DSCAM: variants seen among roughly 807,000 people sequenced by gnomAD.
The protein encoded by DSCAM is cell adhesion molecule DSCAM.
In DSCAM, 47 loss-of-function variants were observed where a neutral mutation model predicts 217.7. The ratio of observed to expected loss-of-function variants is 0.22; its 90% CI spans 0.17 to 0.28. The LOEUF (loss-of-function observed/expected upper bound fraction) is 0.28, where lower values mean the gene tolerates loss of function less well. Ranked by LOEUF, DSCAM falls within the 10% of genes least tolerant of loss-of-function variation. The pLI is 1.00. For synonymous variants in DSCAM, 1,056 were observed against 1,015.3 expected (o/e 1.04, Z -0.76); for missense variants, 2,080 against 2,618.3 (o/e 0.79, Z 4.49).
intron 1 of DSCAM, among the ~76,000 whole-genome samples, chr21:40,750,530 T>C (rs1004738549): frequency 6.6e-6 from 1 of 152,100 alleles, no homozygotes; most frequent in African/African-American, 2.4e-5. Flanking sequence ...CTCCCTTTGA[T>C]CTCACCCGTT....
intron 11 of DSCAM, among the ~76,000 whole-genome samples, chr21:40,259,775 G>A (rs1032032547): frequency 3.3e-4 from 46 of 140,896 alleles, no homozygotes; most frequent in Non-Finnish European, 1.2e-4. Context: ...CCAGGTTCAC[G>A]CTATTCTCCT....
chr21:40,150,415 T>C (rs1054819787), intron 16 of DSCAM, among the ~76,000 whole-genome samples: 1 of 152,226 alleles, frequency 6.6e-6, no homozygotes, highest in East Asian at 1.9e-4. Context: ...CTTTATTAAT[T>C]TGTAGATAGA....
At chr21:40,377,077 A>G (rs2074971087) in intron 3 of DSCAM, among the ~76,000 whole-genome samples, 1 of 152,210 alleles carries the variant, frequency 6.6e-6, no homozygotes, top group African/African-American at 2.4e-5. Flanking sequence ...AGATAGAGAC[A>G]TGGATATTAA....
intron 26 of DSCAM, among the ~76,000 whole-genome samples, chr21:40,077,346 A>G (rs1481009049): frequency 6.6e-6 from 1 of 152,174 alleles, no homozygotes; most frequent in East Asian, 1.9e-4. Flanking sequence ...GATTTGGGGT[A>G]GGTCTGCTCT....
At chr21:40,789,243 T>C (rs2091618599) in intron 1 of DSCAM, among the ~76,000 whole-genome samples, 1 of 148,136 alleles carries the variant, frequency 6.8e-6, no homozygotes, top group Non-Finnish European at 1.5e-5. Flanking sequence ...AGATAGCTGA[T>C]AGCCGGAAGA....
intron 10 of DSCAM, among the ~76,000 whole-genome samples, chr21:40,277,680 C>G (rs1354754925): frequency 6.8e-6 from 1 of 146,070 alleles, no homozygotes; most frequent in East Asian, 2.0e-4. Context: ...CTCACCCAGG[C>G]TGGAGTGCAG....
At chr21:40,385,065 T>G (rs1471740041) in intron 3 of DSCAM, 1 of 152,200 alleles carries the variant, frequency 6.6e-6, no homozygotes, top group Non-Finnish European at 1.5e-5. Flanking sequence ...TTAGTGTGTA[T>G]TCCCAGTTTC....
Position 40,183,015 on chromosome 21 carries a change from GGGCCACCAGAGAAACCGTGGACAGGA to G in DSCAM, c.2780-3947_2780-3922del, listed in dbSNP as rs1349792538. ...TTACCAGAGAAACCGTGGACAGAACGGGCCACCAGAGAAACCGTGGACAGGAGGGGGCTACCAGAGAAACCGTGGAC... is the reference window on the plus strand; with the variant it reads ...TTACCAGAGAAACCGTGGACAGAACGGGGGGCTACCAGAGAAACCGTGGAC... On this transcript the variant is annotated intron_variant, in intron 14 of 32. Transcript: ENST00000400454. Among the ~76,000 whole-genome samples the G allele has an allele frequency of 6.0e-5, 2 of 33,610 alleles. 1 individual carries two copies. Among genetic ancestry groups the G allele is most frequent in the South Asian group, 4.6e-3 (2 of 438 alleles). 22.0% of individuals were successfully genotyped at this position (33,610 alleles called of 152,430 possible).
chr21:40,621,786 C>T (rs1378132033), intron 3 of DSCAM, among the ~76,000 whole-genome samples: 1 of 151,244 alleles, frequency 6.6e-6, no homozygotes, highest in Non-Finnish European at 1.5e-5. Context: ...TCCAATTGAG[C>T]TGTTAAGAAT....
At chr21:40,294,339 T>C (rs1267008736) in intron 10 of DSCAM, among the ~76,000 whole-genome samples, 2 of 152,178 alleles carry the variant, frequency 1.3e-5, no homozygotes, top group Non-Finnish European at 2.9e-5. Context: ...TAAAACATGT[T>C]AAACAACATT....
intron 3 of DSCAM, among the ~76,000 whole-genome samples, chr21:40,408,513 G>A (rs529589700): frequency 6.6e-6 from 1 of 152,186 alleles, no homozygotes; most frequent in South Asian, 2.1e-4. Context: ...AACACATTTA[G>A]TGAGGAGCAT....
chr21:40,107,542 G>C (rs1018666736), intron 20 of DSCAM, among the ~76,000 whole-genome samples: 1 of 151,918 alleles, frequency 6.6e-6, no homozygotes, highest in African/African-American at 2.4e-5. Flanking sequence ...CTGAGCTCAG[G>C]TCCTGAATAT....
At chr21:40,504,721 GA>G (rs1189217690) in intron 3 of DSCAM, among the ~76,000 whole-genome samples, 1 of 152,108 alleles carries the variant, frequency 6.6e-6, no homozygotes, top group Non-Finnish European at 1.5e-5. Context: ...ACTCCCCCTT[GA>G]ATGGTTCAAT....
intron 21 of DSCAM, among the ~76,000 whole-genome samples, chr21:40,089,925 C>T (rs1281644317): frequency 6.6e-6 from 1 of 152,194 alleles, no homozygotes. Context: ...CATTTAGGAT[C>T]ATCAACCTCA....
At chr21:40,550,494 C>T (rs894740062) in intron 3 of DSCAM, among the ~76,000 whole-genome samples, 48 of 152,274 alleles carry the variant, frequency 3.2e-4, no homozygotes, top group African/African-American at 1.1e-3. Context: ...CATTGCACTC[C>T]AGAATGAGTG....
intron 27 of DSCAM, among the ~76,000 whole-genome samples, chr21:40,068,108 T>G (rs2089237662): frequency 6.6e-6 from 1 of 152,076 alleles, no homozygotes; most frequent in African/African-American, 2.4e-5. Context: ...GATGGAGAAA[T>G]GATACCAGGA....
intron 30 of DSCAM, among the ~76,000 whole-genome samples, chr21:40,045,322 C>G (rs1483127280): frequency 2.6e-5 from 4 of 152,192 alleles, no homozygotes; most frequent in Admixed American, 1.3e-4. Context: ...TAAGGCCTTG[C>G]CTATGATAGC....
chr21:40,176,149 C>T (rs1345998932), intron 15 of DSCAM, among the ~76,000 whole-genome samples: 1 of 152,058 alleles, frequency 6.6e-6, no homozygotes, highest in Non-Finnish European at 1.5e-5. Flanking sequence ...GGGAGGAAGG[C>T]ATTCTTGAAC....
intron 1 of DSCAM, among the ~76,000 whole-genome samples, chr21:40,755,102 T>C (rs1401814066): frequency 1.3e-5 from 2 of 152,036 alleles, no homozygotes; most frequent in African/African-American, 4.8e-5. Flanking sequence ...GGAAGGGAGA[T>C]GATGCAGTGG....
Sources: gnomAD v4.1 joint callset for allele counts (sites outside exome capture counted in the v4.1 genomes callset) on GRCh38, gnomAD v4.1.1 for gene constraint, MANE v1.5 for transcripts, NCBI Gene and HGNC (gene_info 2026-07-23, HGNC 2026-07-21) for gene names.